Variants in SEPTIN7 observed in about 807,000 individuals in gnomAD.
SEPTIN7 encodes septin-7.
Under a neutral mutation model 63.3 loss-of-function variants are expected in SEPTIN7, and 10 were observed. The ratio of observed to expected loss-of-function variants is 0.16; its 90% CI spans 0.10 to 0.27. The LOEUF (loss-of-function observed/expected upper bound fraction) is 0.27. SEPTIN7 is among the 10% of genes least tolerant of loss of function. The pLI is 1.00. For missense variants in SEPTIN7, 310 were observed against 521.0 expected (o/e 0.59, Z 3.94); for synonymous variants, 131 against 165.3 (o/e 0.79, Z 1.59).
At chr7:35,889,606 T>C (rs1474362949) in intron 10 of SEPTIN7, among the ~76,000 whole-genome samples, 1 of 152,120 alleles carries the variant, frequency 6.6e-6, no homozygotes, top group African/African-American at 2.4e-5. Flanking sequence ...GTGCAATGCG[T>C]GATCTTGGCT....
At chr7:35,847,145 G>A (rs1784716252) in intron 3 of SEPTIN7, 1 of 169,148 alleles carries the variant, frequency 5.9e-6, no homozygotes, top group South Asian at 1.5e-4. Flanking sequence ...CCAGATTGGT[G>A]GCTCCGAAGT....
intron 1 of SEPTIN7, among the ~76,000 whole-genome samples, chr7:35,825,876 T>A (rs1303848499): frequency 6.6e-6 from 1 of 152,118 alleles, no homozygotes; most frequent in Non-Finnish European, 1.5e-5. Context: ...TTTTAACAGA[T>A]TAACTGAGAA....
intron 4 of SEPTIN7, among the ~76,000 whole-genome samples, chr7:35,868,316 A>C (rs1406724284): frequency 6.6e-6 from 1 of 152,170 alleles, no homozygotes; most frequent in Non-Finnish European, 1.5e-5. Context: ...CTATCAGGAG[A>C]GTCTCCTGTT....
intron 3 of SEPTIN7, among the ~76,000 whole-genome samples, chr7:35,861,683 C>G (rs548369015): frequency 6.6e-6 from 1 of 152,322 alleles, no homozygotes; most frequent in South Asian, 2.1e-4. Context: ...CCCCTTGCAG[C>G]TTTCATAAAT....
In SEPTIN7 at chr7:35,882,353, G is replaced by C. The variant is rs183227678; in HGVS notation, c.631-131G>C. The C allele has an allele frequency of 1.3e-4, 69 of 546,446 alleles. No individual in the cohort carries two copies. In the East Asian group the frequency reaches 2.7e-3, roughly 21 times the overall value. The allele number at this position is 546,446 out of a possible 1,614,324, so 33.8% of individuals were successfully genotyped here. On this transcript the variant is annotated intron_variant, in intron 7 of 13. Transcript: ENST00000350320. ...TACTTTAATTTTAGATTACAACTTTGCATCATTAAAAAACAGTAAAGGATC... is the reference window on the plus strand; with the variant it reads ...TACTTTAATTTTAGATTACAACTTTCCATCATTAAAAAACAGTAAAGGATC...
rs984282999 is a variant in SEPTIN7, at chr7:35,873,827, A to G, written c.512+52A>G. On this transcript the variant is annotated intron_variant, in intron 6 of 13. Transcript: ENST00000350320. ...TTTTTTGTTGTTGTTGCTTACTGTT[A>G]CCTTTATGTGCATACTTTAGTAATC... is the stretch of plus-strand genomic sequence containing the variant. 8 of 1,538,320 alleles carry G rather than the reference A, an allele frequency of 5.2e-6. No individual in the cohort carries two copies. The African/African-American group carries it at 9.6e-5, about 18-fold the overall frequency.
chr7:35,815,103 TG>T, intron 1 of SEPTIN7: 1 of 408,856 alleles, frequency 2.4e-6, no homozygotes. Flanking sequence ...ACCTTTCAGG[TG>T]GCTCTTGTTC....
chr7:35,863,250 A>G (rs1342368318), intron 3 of SEPTIN7, among the ~76,000 whole-genome samples: 1 of 152,136 alleles, frequency 6.6e-6, no homozygotes, highest in Non-Finnish European at 1.5e-5. Flanking sequence ...TTTTTTAATA[A>G]TGACATTTTT....
chr7:35,813,853 T>G (rs1788887462), intron 1 of SEPTIN7, among the ~76,000 whole-genome samples: 1 of 152,198 alleles, frequency 6.6e-6, no homozygotes, highest in Non-Finnish European at 1.5e-5. Flanking sequence ...GCTTTTGAAC[T>G]CTTTGAAATA....
intron 1 of SEPTIN7, among the ~76,000 whole-genome samples, chr7:35,828,961 C>T (rs1293513650): frequency 1.3e-5 from 2 of 151,994 alleles, no homozygotes; most frequent in East Asian, 3.9e-4. Context: ...GGTCACTTGC[C>T]TATGAAAAAC....
At chr7:35,815,191 G>T in intron 1 of SEPTIN7, 1 of 435,880 alleles carries the variant, frequency 2.3e-6, no homozygotes, top group South Asian at 1.6e-5. Flanking sequence ...TCGTGCCTAA[G>T]CCTTGGAATC....
intron 1 of SEPTIN7, among the ~76,000 whole-genome samples, chr7:35,822,713 T>A (rs1197546045): frequency 6.6e-6 from 1 of 152,202 alleles, no homozygotes; most frequent in Admixed American, 6.5e-5. Context: ...TATTTATAAT[T>A]GCATATGTGG....
chr7:35,859,599 C>T (rs1177219062), intron 3 of SEPTIN7, among the ~76,000 whole-genome samples: 2 of 152,126 alleles, frequency 1.3e-5, no homozygotes, highest in Non-Finnish European at 2.9e-5. Context: ...TTGAAGTCTC[C>T]AACTATTATT....
At position 35,903,233 on chromosome 7, in the gene SEPTIN7, A is replaced by C. The variant is rs570433477; in HGVS notation, c.1274+18A>C. On this transcript the variant is annotated intron_variant, in intron 13 of 13. Transcript: ENST00000350320. ...TCTTCAAGGTAACTAATAGCAGATTACTAAGAAATGTGTGTATTAATGTTT... is the reference window on the plus strand; with the variant it reads ...TCTTCAAGGTAACTAATAGCAGATTCCTAAGAAATGTGTGTATTAATGTTT... 1.4e-4 allele frequency: 211 copies of C among 1,531,302 alleles called. 2 individuals are homozygous for C. In the South Asian group the frequency reaches 2.0e-3, roughly 14 times the overall value. The allele number at this position is 1,531,302 out of a possible 1,614,324, so 94.9% of individuals were successfully genotyped here.
chr7:35,861,582 T>G (rs998494680), intron 3 of SEPTIN7, among the ~76,000 whole-genome samples: 1 of 152,186 alleles, frequency 6.6e-6, no homozygotes, highest in African/African-American at 2.4e-5. Context: ...TGCTTTTGAA[T>G]GTCTTAATTT....
At chr7:35,844,431 A>T (rs1398313182) in intron 3 of SEPTIN7, among the ~76,000 whole-genome samples, 1 of 150,848 alleles carries the variant, frequency 6.6e-6, no homozygotes, top group Non-Finnish European at 1.5e-5. Context: ...CATGAAAATA[A>T]GCCTTCTGTA....
Position 35,904,341 on chromosome 7 carries a change from T to C in SEPTIN7, c.*48T>C, listed in dbSNP as rs1375157392. Reference sequence around the variant, plus strand: ...ACGTATTAGTTGCCAATATGCCAGCTTGGACATCAGTGTTTGTTGGATCCG... The same window carrying C: ...ACGTATTAGTTGCCAATATGCCAGCCTGGACATCAGTGTTTGTTGGATCCG... On this transcript the variant is annotated 3_prime_UTR_variant, in exon 14 of 14. Coordinates refer to ENST00000350320, the MANE Select transcript of SEPTIN7 (RefSeq NM_001788.6). The C allele has an allele frequency of 2.0e-6, 3 of 1,468,936 alleles. No individual in the cohort carries two copies. In the African/African-American group the frequency reaches 4.2e-5, roughly 21 times the overall value. The allele number at this position is 1,468,936 out of a possible 1,614,324, so 91.0% of individuals were successfully genotyped here.
At chr7:35,857,384 G>A (rs1183199946) in intron 3 of SEPTIN7, among the ~76,000 whole-genome samples, 1 of 151,460 alleles carries the variant, frequency 6.6e-6, no homozygotes, top group Non-Finnish European at 1.5e-5. Flanking sequence ...CATTGTAATT[G>A]GTCTTAAAAA....
chr7:35,898,403 A>T lies in SEPTIN7; in HGVS notation c.1134+20A>T. The stretch of plus-strand genomic sequence containing the variant: ...GCTGAGGTAATCAGTCTAATATCCC[A>T]TCTCTTAGCAGACATTGTGTTCCTT... On this transcript the variant is annotated intron_variant, in intron 12 of 13. Coordinates refer to ENST00000350320, the MANE Select transcript of SEPTIN7 (RefSeq NM_001788.6). 1 of 1,478,784 alleles carries T rather than the reference A, an allele frequency of 6.8e-7. No individual in the cohort carries two copies. The highest frequency in any genetic ancestry group is 1.3e-5 in the South Asian group (1 of 77,998). 91.6% of individuals were successfully genotyped at this position (1,478,784 alleles called of 1,614,324 possible).
Sources: allele counts gnomAD v4.1 joint callset (sites outside exome capture counted in the v4.1 genomes callset), GRCh38; gene constraint gnomAD v4.1.1; transcripts MANE v1.5; gene names NCBI Gene and HGNC (gene_info 2026-07-23, HGNC 2026-07-21).